Variants in NOL10 observed in about 807,000 individuals in gnomAD.
The protein encoded by NOL10 is H_NH0074G24.1.
A neutral mutation model predicts 103.5 loss-of-function variants in NOL10; 58 were observed. That is an observed-to-expected ratio of 0.56 (90% CI 0.45 to 0.70). The LOEUF (loss-of-function observed/expected upper bound fraction) is 0.70, where lower values mean the gene tolerates loss of function less well. NOL10 is among the 30% of genes least tolerant of loss of function. The probability of loss-of-function intolerance (pLI) is 0.00; values close to 1 mark genes in which losing one functional copy is unlikely to be tolerated. For synonymous variants in NOL10, 287 were observed against 282.5 expected, an observed-to-expected ratio of 1.02 and a Z score of -0.16; for missense variants, 763 against 807.3, an observed-to-expected ratio of 0.95 and a Z score of 0.67.
rs183544528 is a variant in NOL10, at chr2:10,682,247, T to C, written c.113-178A>G. Among the ~76,000 whole-genome samples, 3 of 152,318 alleles carry C rather than the reference T, an allele frequency of 2.0e-5. No individual in the cohort carries two copies. The East Asian group carries it at 5.8e-4, about 29-fold the overall frequency. On this transcript the variant is annotated intron_variant, in intron 2 of 20. Transcript: ENST00000381685. Reference sequence around the variant, plus strand: ...CCAACCATTAAACAGCAGAGGTTTTTTCCTTAGCTCATACGTTGTTTTTCT... The same window carrying C: ...CCAACCATTAAACAGCAGAGGTTTTCTCCTTAGCTCATACGTTGTTTTTCT...
intron 16 of NOL10, 147 bp downstream of exon 16, chr2:10,602,629 C>A (rs1366110463): frequency 3.3e-6 from 2 of 610,164 alleles, no homozygotes; most frequent in Non-Finnish European, 5.6e-6. Context: ...ACACTGATGA[C>A]AAACAAACTA....
intron 3 of NOL10, among the ~76,000 whole-genome samples, chr2:10,680,773 T>C (rs1376830795): frequency 6.6e-6 from 1 of 152,194 alleles, no homozygotes; most frequent in African/African-American, 2.4e-5. Context: ...AGGAATACTG[T>C]TATCAGCAAA....
At chr2:10,671,729 T>C (rs773479253) in intron 5 of NOL10, 39 bp from the exon 6 acceptor site, 9 of 1,472,372 alleles carry the variant, frequency 6.1e-6, no homozygotes, top group South Asian at 1.3e-5. Flanking sequence ...CTTAGGTTTC[T>C]AGTTAGGTGT....
intron 3 of NOL10, among the ~76,000 whole-genome samples, chr2:10,678,605 C>T (rs1681495789): frequency 6.6e-6 from 1 of 152,102 alleles, no homozygotes; most frequent in Non-Finnish European, 1.5e-5. Context: ...TTTGCACATC[C>T]CCTGAGTTCA....
rs553477985 is a variant in NOL10, at chr2:10,669,108, T to G, written c.465-385A>C. Among the ~76,000 whole-genome samples, 48 of 152,200 alleles carry G rather than the reference T, an allele frequency of 3.2e-4. No homozygotes were observed. In the South Asian group the frequency reaches 9.5e-3, roughly 30 times the overall value. ...TTTCTTTTTTTTTGTTTTTTTGTTT[T>G]TGATATGGGGTTTTGCTCTTATTGC... On this transcript the variant is annotated intron_variant, in intron 6 of 20. Coordinates refer to ENST00000381685, the MANE Select transcript of NOL10 (RefSeq NM_024894.4).
chr2:10,683,631 C>A (rs1681940898), intron 2 of NOL10, among the ~76,000 whole-genome samples: 1 of 152,198 alleles, frequency 6.6e-6, no homozygotes, highest in East Asian at 1.9e-4. Flanking sequence ...CCTTGATAGA[C>A]AGGTAACCTG....
intron 13 of NOL10, among the ~76,000 whole-genome samples, chr2:10,622,679 G>C (rs1476185482): frequency 2.0e-5 from 3 of 152,258 alleles, no homozygotes; most frequent in South Asian, 2.1e-4. Flanking sequence ...GTCAGTACTA[G>C]TGCTGCTGGC....
intron 13 of NOL10, among the ~76,000 whole-genome samples, chr2:10,614,211 C>T (rs1221145585): frequency 4.6e-5 from 7 of 152,228 alleles, no homozygotes; most frequent in South Asian, 4.2e-4. Context: ...CCGCTCACCT[C>T]GGCCTCCTAA....
chr2:10,582,658 C>T (rs1674823265), intron 19 of NOL10, among the ~76,000 whole-genome samples: 1 of 152,172 alleles, frequency 6.6e-6, no homozygotes, highest in Non-Finnish European at 1.5e-5. Flanking sequence ...GGACTTCTTT[C>T]CTCCATGTCT....
At chr2:10,652,279 A>G (rs1387175910) in intron 12 of NOL10, among the ~76,000 whole-genome samples, 2 of 151,788 alleles carry the variant, frequency 1.3e-5, no homozygotes, top group East Asian at 3.9e-4. Context: ...AAAAAACAGC[A>G]TGGGCACCAG....
chr2:10,647,698 G>A (rs1679176004), intron 12 of NOL10, among the ~76,000 whole-genome samples: 1 of 152,160 alleles, frequency 6.6e-6, no homozygotes, highest in South Asian at 2.1e-4. Flanking sequence ...TAGAACCTCA[G>A]ATGAAAGTAT....
Position 10,607,215 on chromosome 2 carries a change from A to G in NOL10, c.1123T>C (p.Phe375Leu). ...PESTVYDDYK[F>L]VTKKDLENLG... The stretch of plus-strand genomic sequence containing the variant: ...TTTTCAAGGTCTTTCTTGGTGACAA[A>G]TTTATAATCATCATAGACTGTGCTT... The change falls in exon 14 of 21, where the codon TTT becomes CTT. Residue 375 changes from phenylalanine (F) to leucine (L), a missense_variant. Phe to Leu is a conservative substitution (Grantham distance 22, BLOSUM62 0). Transcript: ENST00000381685. 1.3e-6 allele frequency: 2 copies of G among 1,589,728 alleles called. No homozygotes were observed. The highest frequency in any genetic ancestry group is 1.7e-6 in the Non-Finnish European group (2 of 1,167,842).
At chr2:10,671,110 A>T (rs1286729767) in intron 6 of NOL10, among the ~76,000 whole-genome samples, 1 of 152,220 alleles carries the variant, frequency 6.6e-6, no homozygotes, top group Non-Finnish European at 1.5e-5. Flanking sequence ...TCACAAAGTG[A>T]TCAGATAGAA....
intron 13 of NOL10, among the ~76,000 whole-genome samples, chr2:10,613,455 T>C (rs1218290329): frequency 6.6e-6 from 1 of 152,232 alleles, no homozygotes; most frequent in Non-Finnish European, 1.5e-5. Flanking sequence ...CTTTATCTGC[T>C]GAGGCCGATC....
Position 10,608,843 on chromosome 2 carries a change from A to C in NOL10, c.1027-1532T>G, listed in dbSNP as rs1053743292. ...AGCTATGGTACTCATAAACATGAAAAAAACTCGAGCATATATAGTCTTCCA... is the reference window on the plus strand; with the variant it reads ...AGCTATGGTACTCATAAACATGAAACAAACTCGAGCATATATAGTCTTCCA... On this transcript the variant is annotated intron_variant, in intron 13 of 20. Coordinates refer to ENST00000381685, the MANE Select transcript of NOL10 (RefSeq NM_024894.4). Among the ~76,000 whole-genome samples, 4 of 152,188 alleles carry C rather than the reference A, an allele frequency of 2.6e-5. No homozygotes were observed. The East Asian group carries it at 7.7e-4, about 29-fold the overall frequency.
chr2:10,635,403 TGCCCCA>T (rs1678136188), intron 13 of NOL10, among the ~76,000 whole-genome samples: 1 of 152,244 alleles, frequency 6.6e-6, no homozygotes, highest in Non-Finnish European at 1.5e-5. Flanking sequence ...TTCACTATTT[TGCCCCA>T]GATATGTGCT....
intron 11 of NOL10, among the ~76,000 whole-genome samples, chr2:10,655,482 G>C (rs184832317): frequency 6.6e-6 from 1 of 152,068 alleles, no homozygotes; most frequent in Non-Finnish European, 1.5e-5. Flanking sequence ...TATGTAGTTA[G>C]GGCTAAACCA....
At chr2:10,662,794 T>A (rs533123626) in intron 9 of NOL10, among the ~76,000 whole-genome samples, 165 bp downstream of exon 9, 1 of 152,368 alleles carries the variant, frequency 6.6e-6, no homozygotes, top group South Asian at 2.1e-4. Context: ...AAATTCTATC[T>A]GGCTTACTCA....
At chr2:10,658,350 C>G (rs558665028) in intron 10 of NOL10, among the ~76,000 whole-genome samples, 65 of 152,148 alleles carry the variant, frequency 4.3e-4, no homozygotes, top group Non-Finnish European at 8.5e-4. Context: ...GGCAAGGAAG[C>G]CTGGGAAAGC....
Sources: allele counts gnomAD v4.1 joint callset (sites outside exome capture counted in the v4.1 genomes callset), GRCh38; gene constraint gnomAD v4.1.1; transcripts MANE v1.5; gene names NCBI Gene and HGNC (gene_info 2026-07-23, HGNC 2026-07-21).